The following SHISA9 variants were observed in gnomAD, a reference collection of about 807,000 sequenced individuals.
SHISA9 encodes the protein shisa family member 9, also known as protein shisa-9.
SHISA9 carries 13 observed loss-of-function variants against 38.0 expected under a neutral mutation model. The observed-to-expected ratio is 0.34, with a 90% CI of 0.22 to 0.54. The LOEUF (loss-of-function observed/expected upper bound fraction) is 0.54, where lower values mean the gene tolerates loss of function less well. Among genes scored for constraint, SHISA9 ranks in the 20% least tolerant of loss-of-function variants. The pLI is 0.91. For missense variants in SHISA9, 538 were observed against 575.8 expected (o/e 0.93, Z 0.67); for synonymous variants, 275 against 242.0 (o/e 1.14, Z -1.27).
the SHISA9 span, among the ~76,000 whole-genome samples, chr16:13,336,676 T>C: frequency 6.6e-6 from 1 of 152,244 alleles, no homozygotes; most frequent in South Asian, 2.1e-4. Flanking sequence ...GTGGACCACA[T>C]GTCAGGTGTG....
At position 12,916,828 on chromosome 16, in the gene SHISA9, G is replaced by A. The variant is rs2071265293; in HGVS notation, c.691+13G>A. The stretch of plus-strand genomic sequence containing the variant: ...ATAAATAATCTTCGTAAGTACAGCT[G>A]CATGAACCATTTCCAGTCCCATGGG... On this transcript the variant is annotated intron_variant, in intron 2 of 4. Transcript: ENST00000558583. 1 of 1,550,606 alleles carries A rather than the reference G, an allele frequency of 6.4e-7. No individual in the cohort carries two copies. Among genetic ancestry groups the A allele is most frequent in the Non-Finnish European group, 8.7e-7 (1 of 1,146,356 alleles).
chr16:13,327,433 T>C, the SHISA9 span, among the ~76,000 whole-genome samples: 3,173 of 152,168 alleles, frequency 0.021, 94 homozygotes, highest in African/African-American at 0.072. Flanking sequence ...CTGACCAATA[T>C]GGTGAAACTC....
intron 2 of SHISA9, among the ~76,000 whole-genome samples, chr16:13,143,872 G>C (rs146018122): frequency 5.9e-5 from 9 of 152,278 alleles, no homozygotes; most frequent in East Asian, 3.9e-4. Context: ...GTTGACCATG[G>C]TGGGGATATT....
the SHISA9 span, among the ~76,000 whole-genome samples, chr16:13,452,999 C>A: frequency 6.6e-6 from 1 of 152,000 alleles, no homozygotes; most frequent in African/African-American, 2.4e-5. Flanking sequence ...ACCTCCACCT[C>A]CTTGTTTCAA....
chr16:13,081,333 T>C (rs1222515352), intron 2 of SHISA9, among the ~76,000 whole-genome samples: 4 of 152,242 alleles, frequency 2.6e-5, no homozygotes, highest in East Asian at 3.9e-4. Context: ...CACGGGAAGA[T>C]GATGAGATGG....
the SHISA9 span, among the ~76,000 whole-genome samples, chr16:13,309,842 A>G: frequency 6.6e-6 from 1 of 151,898 alleles, no homozygotes; most frequent in Non-Finnish European, 1.5e-5. Flanking sequence ...TCCAAACAAA[A>G]TCCAAGTTCT....
At chr16:13,298,939 A>C in the SHISA9 span, among the ~76,000 whole-genome samples, 1 of 152,080 alleles carries the variant, frequency 6.6e-6, no homozygotes, top group Non-Finnish European at 1.5e-5. Context: ...GCAGAGTGGG[A>C]AGCTCCCTGC....
At chr16:13,295,517 A>G in the SHISA9 span, among the ~76,000 whole-genome samples, 2 of 152,152 alleles carry the variant, frequency 1.3e-5, no homozygotes, top group Non-Finnish European at 2.9e-5. Context: ...ACTGCCTGAC[A>G]TTGGCCCGTC....
chr16:13,438,114 C>G, the SHISA9 span, among the ~76,000 whole-genome samples: 2 of 152,146 alleles, frequency 1.3e-5, no homozygotes, highest in Non-Finnish European at 2.9e-5. Flanking sequence ...AATCCACCCA[C>G]CTCGGCCTCC....
In SHISA9 at chr16:13,108,003, C is replaced by A. The variant is rs185828176; in HGVS notation, c.692-95391C>A. Among the ~76,000 whole-genome samples the A allele has an allele frequency of 5.9e-5, 9 of 152,214 alleles. No individual in the cohort carries two copies. The East Asian group carries it at 1.7e-3, about 29-fold the overall frequency. On this transcript the variant is annotated intron_variant, in intron 2 of 4. Transcript: ENST00000558583. ...ATGGACATTGTAGAGGGCACATTCT[C>A]ATAAGACAATGAGTATGTAATATGT...
chr16:13,514,063 C>T, the SHISA9 span, among the ~76,000 whole-genome samples: 7 of 152,102 alleles, frequency 4.6e-5, no homozygotes, highest in African/African-American at 9.7e-5. Context: ...GGCATGATCT[C>T]GGCTCACTGC....
chr16:13,146,177 G>A (rs1368578651), intron 2 of SHISA9, among the ~76,000 whole-genome samples: 2 of 152,204 alleles, frequency 1.3e-5, no homozygotes, highest in Non-Finnish European at 2.9e-5. Flanking sequence ...GTGACAGAGT[G>A]AGTGAGACTC....
At chr16:13,156,096 A>AATTC (rs990940736) in intron 2 of SHISA9, among the ~76,000 whole-genome samples, 2 of 152,150 alleles carry the variant, frequency 1.3e-5, no homozygotes, top group African/African-American at 4.8e-5. Flanking sequence ...TCTGTCTTTT[A>AATTC]ATTCACTGTT....
the SHISA9 span, among the ~76,000 whole-genome samples, chr16:13,378,899 G>C: frequency 6.6e-6 from 1 of 152,188 alleles, no homozygotes; most frequent in Non-Finnish European, 1.5e-5. Flanking sequence ...AGTTCCTCTG[G>C]GGATGGAAAT....
chr16:13,301,224 G>C, the SHISA9 span, among the ~76,000 whole-genome samples: 1 of 152,242 alleles, frequency 6.6e-6, no homozygotes, highest in East Asian at 1.9e-4. Flanking sequence ...AATGCCCCCA[G>C]AGGAGAAAAG....
chr16:13,466,709 A>T, the SHISA9 span, among the ~76,000 whole-genome samples: 4 of 152,240 alleles, frequency 2.6e-5, no homozygotes, highest in Non-Finnish European at 5.9e-5. Flanking sequence ...CACATATGTT[A>T]AGCAAATATC....
the SHISA9 span, among the ~76,000 whole-genome samples, chr16:13,490,790 C>A: frequency 6.6e-6 from 1 of 152,216 alleles, no homozygotes; most frequent in African/African-American, 2.4e-5. Flanking sequence ...GATCGGCCAA[C>A]TGACTGCTGA....
the SHISA9 span, among the ~76,000 whole-genome samples, chr16:13,556,876 T>C: frequency 6.6e-6 from 1 of 152,136 alleles, no homozygotes; most frequent in Non-Finnish European, 1.5e-5. Context: ...TTATAAGTAA[T>C]CTAGAGATGA....
At chr16:13,407,983 TAACTC>T in the SHISA9 span, among the ~76,000 whole-genome samples, 2 of 152,158 alleles carry the variant, frequency 1.3e-5, no homozygotes, top group African/African-American at 4.8e-5. Context: ...ATGAGAGAGT[TAACTC>T]AACATGTGCA....
Sources: allele counts gnomAD v4.1 joint callset (sites outside exome capture counted in the v4.1 genomes callset), GRCh38; gene constraint gnomAD v4.1.1; transcripts MANE v1.5; gene names NCBI Gene and HGNC (gene_info 2026-07-23, HGNC 2026-07-21).